Variants in DROSHA observed in about 807,000 individuals in gnomAD.
DROSHA encodes the protein ribonuclease 3.
Under a neutral mutation model 181.9 loss-of-function variants are expected in DROSHA, and 56 were observed. The observed-to-expected ratio is 0.31, with a 90% CI of 0.25 to 0.38. DROSHA has a LOEUF of 0.38. Ranked by LOEUF, DROSHA falls within the 10% of genes least tolerant of loss-of-function variation. DROSHA has a pLI of 1.00. For missense variants in DROSHA, 1,218 were observed against 1,743.5 expected, an observed-to-expected ratio of 0.70 and a Z score of 5.37; for synonymous variants, 524 against 591.2, an observed-to-expected ratio of 0.89 and a Z score of 1.65.
intron 11 of DROSHA, among the ~76,000 whole-genome samples, chr5:31,503,985 T>C (rs1319072664): frequency 6.6e-6 from 1 of 152,146 alleles, no homozygotes; most frequent in Non-Finnish European, 1.5e-5. Context: ...TTAATAAAAA[T>C]AGCTTATAAA....
chr5:31,424,540 A>G, intron 27 of DROSHA, 69 bp from the exon 28 acceptor site: 1 of 1,493,038 alleles, frequency 6.7e-7, no homozygotes, highest in Non-Finnish European at 9.0e-7. Flanking sequence ...ACTAAATAAA[A>G]TGTCATTATT....
At chr5:31,460,722 C>T (rs1013496465) in intron 20 of DROSHA, among the ~76,000 whole-genome samples, 5 of 152,126 alleles carry the variant, frequency 3.3e-5, no homozygotes, top group African/African-American at 1.2e-4. Flanking sequence ...CACTTAACTG[C>T]TATTTCCCAG....
chr5:31,526,761 C>T lies in DROSHA; in HGVS notation c.172G>A (p.Ala58Thr), dbSNP rs1356034716. ...PVQYQYEPPS[A>T]PSTTFSNSPA... ...GAGTTTGAGAAAGTGGTGGAAGGGG[C>T]ACTTGGAGGTTCATATTGATATTGC... Residue 58 changes from alanine to threonine, a missense_variant, in exon 5 of 36, where the codon GCC (alanine) becomes ACC (threonine). Ala to Thr is a moderately conservative substitution (Grantham distance 58). Around this residue, in one of 8 missense-constraint regions of DROSHA, gnomAD observed 536 missense variants for 535.4 expected, o/e 1.00. Coordinates refer to ENST00000344624, the MANE Select transcript of DROSHA (RefSeq NM_001382508.1). 1.3e-6 allele frequency: 2 copies of T among 1,593,178 alleles called. No individual in the cohort carries two copies. Among genetic ancestry groups the T allele is most frequent in the Non-Finnish European group, 1.7e-6 (2 of 1,171,784 alleles).
rs777052398 is a variant in DROSHA, at chr5:31,409,338, GA to G, written c.3668-7del. The G allele has an allele frequency of 1.3e-6, 2 of 1,563,634 alleles. No homozygotes were observed. Among genetic ancestry groups the G allele is most frequent in the South Asian group, 1.2e-5 (1 of 84,802 alleles). On this transcript the variant is annotated splice_polypyrimidine_tract_variant and splice_region_variant and intron_variant, in intron 31 of 35. Transcript: ENST00000344624. This position sits in a 1 kb window ranked among gnomAD's most constrained non-coding sequence, Gnocchi z 4.0. The stretch of plus-strand genomic sequence containing the variant: ...GTACAGCGCTGCAATAAATGCTGGG[GA>G]AAAAAGAATACTTTAAAATAAACCA...
At chr5:31,426,063 C>A (rs1743426883) in intron 27 of DROSHA, among the ~76,000 whole-genome samples, 1 of 152,098 alleles carries the variant, frequency 6.6e-6, no homozygotes, top group South Asian at 2.1e-4. Context: ...ATTCACCTTT[C>A]TTCTATCACC....
intron 29 of DROSHA, chr5:31,421,898 T>TATAGATATATATATATATATATATGCGCC: frequency 2.0e-5 from 1 of 50,454 alleles, no homozygotes; most frequent in Non-Finnish European, 3.2e-5. Flanking sequence ...AAAAAAAATA[T>TATAGATATATATATATATATATATGCGCC]ATATATATAA....
rs536918688 is a variant in DROSHA, at chr5:31,418,393, C to A, written c.3525+2879G>T. On this transcript the variant is annotated intron_variant, in intron 30 of 35. Coordinates refer to ENST00000344624, the MANE Select transcript of DROSHA (RefSeq NM_001382508.1). Reference sequence around the variant, plus strand: ...AAGCGATCCTCCCACTTCAGCCTCCCAAGTAACTGGGGCTACAAATGCATG... The same window carrying A: ...AAGCGATCCTCCCACTTCAGCCTCCAAAGTAACTGGGGCTACAAATGCATG... 3.3e-5 allele frequency among the ~76,000 whole-genome samples: 5 copies of A among 152,250 alleles called. No homozygotes were observed. In the South Asian group the frequency reaches 1.0e-3, roughly 32 times the overall value.
intron 12 of DROSHA, 26 bp downstream of exon 12, chr5:31,495,260 A>T: frequency 6.3e-7 from 1 of 1,598,576 alleles, no homozygotes; most frequent in Non-Finnish European, 8.6e-7. Flanking sequence ...TTTAAATGAT[A>T]TGCATGTGAT....
chr5:31,505,317 G>A (rs911363806), intron 10 of DROSHA, among the ~76,000 whole-genome samples: 1 of 150,984 alleles, frequency 6.6e-6, no homozygotes, highest in Non-Finnish European at 1.5e-5. Flanking sequence ...TATATGATGT[G>A]CTTCATAATT....
intron 20 of DROSHA, among the ~76,000 whole-genome samples, chr5:31,462,895 T>C (rs1173251101): frequency 2.0e-5 from 3 of 152,174 alleles, no homozygotes; most frequent in Admixed American, 1.3e-4. Context: ...CTAGAAGGTC[T>C]GGAAGGCGCC....
At chr5:31,415,415 G>A (rs1382005538) in intron 30 of DROSHA, among the ~76,000 whole-genome samples, 2 of 152,152 alleles carry the variant, frequency 1.3e-5, no homozygotes, top group African/African-American at 4.8e-5. Flanking sequence ...GGCAAATACA[G>A]GTCAGATACA....
chr5:31,476,324 C>T (rs558408465), intron 16 of DROSHA, among the ~76,000 whole-genome samples: 47 of 152,278 alleles, frequency 3.1e-4, no homozygotes, highest in Non-Finnish European at 5.7e-4. Context: ...GAGACTGTGC[C>T]ACTGCACTCC....
intron 16 of DROSHA, among the ~76,000 whole-genome samples, chr5:31,483,156 T>C (rs979356985): frequency 1.3e-5 from 2 of 152,232 alleles, no homozygotes; most frequent in Non-Finnish European, 2.9e-5. Flanking sequence ...AAAAAATCAC[T>C]ATAATCCTAC....
rs1359929446 is a variant in DROSHA, at chr5:31,464,352, G to C, written c.2467-9C>G. On this transcript the variant is annotated splice_polypyrimidine_tract_variant and intron_variant, in intron 19 of 35. Transcript: ENST00000344624. ...ATTTTTTGGAGGGCTTCCTAGAAAA[G>C]AATTCATTATGATGAGTAACACAAC... is the stretch of plus-strand genomic sequence containing the variant. 1 of 1,611,456 alleles carries C rather than the reference G, an allele frequency of 6.2e-7. No homozygotes were observed. The highest frequency in any genetic ancestry group is 2.2e-5 in the East Asian group (1 of 44,828).
At chr5:31,441,079 T>C (rs1251149375) in intron 23 of DROSHA, among the ~76,000 whole-genome samples, 2 of 151,606 alleles carry the variant, frequency 1.3e-5, no homozygotes, top group African/African-American at 4.9e-5. Context: ...AGAAAATACA[T>C]TCATGTCTAG....
intron 23 of DROSHA, among the ~76,000 whole-genome samples, chr5:31,442,275 T>C (rs1046931320): frequency 6.6e-6 from 1 of 152,208 alleles, no homozygotes; most frequent in African/African-American, 2.4e-5. Flanking sequence ...AAGCCATAAA[T>C]AAGAATGGGG....
chr5:31,530,699 T>G lies in DROSHA; in HGVS notation c.-47+99A>C, dbSNP rs1741201905. On this transcript the variant is annotated intron_variant, in intron 3 of 35. Transcript: ENST00000344624. Reference sequence around the variant, plus strand: ...CAGTGATTTTCTATCCATCTATCAATCTTAAATGCCACCTCCTCTATGAAG... The same window carrying G: ...CAGTGATTTTCTATCCATCTATCAAGCTTAAATGCCACCTCCTCTATGAAG... 3 of 351,398 alleles carry G rather than the reference T, an allele frequency of 8.5e-6. No individual in the cohort carries two copies. In the East Asian group the frequency reaches 1.3e-4, roughly 15 times the overall value. 21.8% of individuals were successfully genotyped at this position (351,398 alleles called of 1,614,324 possible).
intron 20 of DROSHA, among the ~76,000 whole-genome samples, chr5:31,463,851 T>G (rs564476818): frequency 5.3e-5 from 8 of 152,200 alleles, no homozygotes; most frequent in Non-Finnish European, 8.8e-5. Context: ...CTAGAAAACA[T>G]ACACTTTACG....
At chr5:31,412,235 A>G (rs1197365594) in intron 30 of DROSHA, among the ~76,000 whole-genome samples, 1 of 152,232 alleles carries the variant, frequency 6.6e-6, no homozygotes, top group Non-Finnish European at 1.5e-5. Context: ...AATGGAACAT[A>G]ATCATCCCTG....
Sources: allele counts gnomAD v4.1 joint callset (sites outside exome capture counted in the v4.1 genomes callset), GRCh38; gene constraint gnomAD v4.1.1; regional missense constraint gnomAD v4.1.1; non-coding constraint Gnocchi (gnomAD v3.1); transcripts MANE v1.5; gene names NCBI Gene and HGNC (gene_info 2026-07-23, HGNC 2026-07-21).